SCHIP1: variants seen among roughly 807,000 people sequenced by gnomAD.
SCHIP1 encodes schwannomin-interacting protein 1.
A neutral mutation model predicts 29.7 loss-of-function variants in SCHIP1; 8 were observed. The ratio of observed to expected loss-of-function variants is 0.27; its 90% CI spans 0.16 to 0.49. The LOEUF (loss-of-function observed/expected upper bound fraction) is 0.49, where lower values mean the gene tolerates loss of function less well. Ranked by LOEUF, SCHIP1 falls within the 20% of genes least tolerant of loss-of-function variation. The pLI, the probability that SCHIP1 is intolerant of heterozygous loss-of-function variation, is 0.99. For missense variants in SCHIP1, 193 were observed against 294.6 expected (o/e 0.66, Z 2.52); for synonymous variants, 76 against 94.9 (o/e 0.80, Z 1.16).
chr3:159,596,708 C>T, the SCHIP1 span, among the ~76,000 whole-genome samples: 7 of 151,464 alleles, frequency 4.6e-5, no homozygotes, highest in African/African-American at 1.5e-4. Context: ...GACAGAAAAC[C>T]AAACACTGCA....
At chr3:159,828,408 CGTATATATACGTAT>C in the SCHIP1 span, among the ~76,000 whole-genome samples, 3 of 32,932 alleles carry the variant, frequency 9.1e-5, no homozygotes, top group East Asian at 1.6e-3. Flanking sequence ...TATATATATA[CGTATATATACGTAT>C]ATATATACGT....
chr3:159,487,837 A>G, the SCHIP1 span, among the ~76,000 whole-genome samples: 3 of 152,210 alleles, frequency 2.0e-5, no homozygotes, highest in East Asian at 5.8e-4. Flanking sequence ...CCTTCAACCC[A>G]GTGGCTAAAG....
chr3:159,523,835 C>T, the SCHIP1 span, among the ~76,000 whole-genome samples: 1 of 152,180 alleles, frequency 6.6e-6, no homozygotes, highest in Non-Finnish European at 1.5e-5. Flanking sequence ...CACAATGTAA[C>T]ACACACTCCA....
the SCHIP1 span, among the ~76,000 whole-genome samples, chr3:159,828,394 T>C: frequency 3.3e-4 from 19 of 58,428 alleles, 4 homozygotes; most frequent in Admixed American, 4.2e-3. Context: ...TATACATATA[T>C]ACGTATATAT....
the SCHIP1 span, among the ~76,000 whole-genome samples, chr3:159,680,350 A>T: frequency 1.3e-5 from 2 of 150,100 alleles, no homozygotes; most frequent in African/African-American, 2.5e-5. Context: ...CTCTACTAAA[A>T]ATACAAAAAT....
chr3:159,519,320 CA>C, the SCHIP1 span, among the ~76,000 whole-genome samples: 1 of 151,984 alleles, frequency 6.6e-6, no homozygotes, highest in African/African-American at 2.4e-5. Flanking sequence ...TTGATTTGGC[CA>C]AGTCATTATA....
chr3:159,646,989 G>C, the SCHIP1 span, among the ~76,000 whole-genome samples: 1 of 152,018 alleles, frequency 6.6e-6, no homozygotes, highest in East Asian at 1.9e-4. Flanking sequence ...ACACAGGAGA[G>C]AGATCTGGGC....
chr3:159,590,057 T>C, the SCHIP1 span, among the ~76,000 whole-genome samples: 1 of 152,212 alleles, frequency 6.6e-6, no homozygotes, highest in Non-Finnish European at 1.5e-5. Flanking sequence ...TCCTGTGCTT[T>C]TCTTTGCTAA....
At chr3:159,723,850 T>C in the SCHIP1 span, among the ~76,000 whole-genome samples, 1 of 152,242 alleles carries the variant, frequency 6.6e-6, no homozygotes, top group Non-Finnish European at 1.5e-5. Flanking sequence ...ACCTAATACT[T>C]ACAACCAAAA....
the SCHIP1 span, among the ~76,000 whole-genome samples, chr3:159,783,579 G>A: frequency 2.6e-5 from 4 of 152,218 alleles, no homozygotes; most frequent in Non-Finnish European, 4.4e-5. Flanking sequence ...TTTTTATGCT[G>A]CAAGGAGTTT....
At chr3:159,635,509 A>T in the SCHIP1 span, among the ~76,000 whole-genome samples, 1 of 152,186 alleles carries the variant, frequency 6.6e-6, no homozygotes, top group South Asian at 2.1e-4. Context: ...ATATAATTAT[A>T]ATATAGCTTC....
chr3:159,482,858 G>A, the SCHIP1 span, among the ~76,000 whole-genome samples: 8 of 152,116 alleles, frequency 5.3e-5, no homozygotes, highest in Admixed American at 4.6e-4. Context: ...GCCCAACAGT[G>A]AGTAGTACAT....
chr3:159,513,056 G>A, the SCHIP1 span, among the ~76,000 whole-genome samples: 737 of 152,244 alleles, frequency 4.8e-3, 4 homozygotes, highest in Admixed American at 0.015. Context: ...ATTGAACAAA[G>A]TTTCAGAATC....
chr3:159,461,957 C>T, the SCHIP1 span, among the ~76,000 whole-genome samples: 6 of 152,190 alleles, frequency 3.9e-5, no homozygotes, highest in East Asian at 1.2e-3. Context: ...TGCCTGTAAT[C>T]CTAGCACTTT....
the SCHIP1 span, among the ~76,000 whole-genome samples, chr3:159,544,370 T>C: frequency 3.3e-5 from 5 of 152,178 alleles, no homozygotes; most frequent in African/African-American, 1.2e-4. Context: ...ATTGGACATA[T>C]ACCTAGGAGT....
the SCHIP1 span, among the ~76,000 whole-genome samples, chr3:159,708,780 T>C: frequency 6.6e-6 from 1 of 152,110 alleles, no homozygotes; most frequent in Non-Finnish European, 1.5e-5. Context: ...GTGACCTGAG[T>C]CTAAAGAGAA....
the SCHIP1 span, among the ~76,000 whole-genome samples, chr3:159,393,836 G>T: frequency 2.6e-5 from 4 of 152,020 alleles, no homozygotes; most frequent in South Asian, 4.2e-4. Flanking sequence ...AGTAGTTTTT[G>T]CCAATTCCAT....
the SCHIP1 span, among the ~76,000 whole-genome samples, chr3:159,750,296 T>TATATATATACACAC: frequency 4.3e-4 from 57 of 132,740 alleles, no homozygotes; most frequent in African/African-American, 1.7e-3. Flanking sequence ...TATATATATA[T>TATATATATACACAC]ACACACACAC....
the SCHIP1 span, among the ~76,000 whole-genome samples, chr3:159,608,638 G>A: frequency 6.6e-6 from 1 of 152,178 alleles, no homozygotes; most frequent in African/African-American, 2.4e-5. Context: ...TCTTTTTAGA[G>A]CACTGGGATA....
Sources: gnomAD v4.1 joint callset for allele counts (sites outside exome capture counted in the v4.1 genomes callset) on GRCh38, gnomAD v4.1.1 for gene constraint, MANE v1.5 for transcripts, NCBI Gene and HGNC (gene_info 2026-07-23, HGNC 2026-07-21) for gene names.